SYT14: variants seen among roughly 807,000 people sequenced by gnomAD.
The protein encoded by SYT14 is synaptotagmin 14, also known as synaptotagmin-14.
SYT14 carries 32 observed loss-of-function variants against 74.2 expected under a neutral mutation model. That is an observed-to-expected ratio of 0.43 (90% CI 0.33 to 0.58). SYT14 has a LOEUF of 0.58. Ranked by LOEUF, SYT14 falls within the 20% of genes least tolerant of loss-of-function variation. The pLI is 0.05. For synonymous variants in SYT14, 298 were observed against 337.7 expected, an observed-to-expected ratio of 0.88 and a Z score of 1.29; for missense variants, 791 against 981.8, an observed-to-expected ratio of 0.81 and a Z score of 2.60.
chr1:210,020,285 A>C (rs2080275845), intron 4 of SYT14, among the ~76,000 whole-genome samples: 1 of 152,192 alleles, frequency 6.6e-6, no homozygotes, highest in Non-Finnish European at 1.5e-5. Flanking sequence ...AACAAAGCTC[A>C]CTGATGGACA....
At chr1:209,994,462 GA>G (rs1168847312) in intron 2 of SYT14, among the ~76,000 whole-genome samples, 1 of 151,910 alleles carries the variant, frequency 6.6e-6, no homozygotes, top group Non-Finnish European at 1.5e-5. Context: ...TTTTAAAACT[GA>G]AAAAAACCTC....
chr1:210,020,210 A>G (rs1305248053), intron 4 of SYT14, among the ~76,000 whole-genome samples: 3 of 152,156 alleles, frequency 2.0e-5, no homozygotes, highest in Admixed American at 2.0e-4. Context: ...GTTCTTTTAA[A>G]TTCACATCCT....
intron 5 of SYT14, among the ~76,000 whole-genome samples, chr1:210,041,460 T>C (rs1373421019): frequency 6.6e-6 from 1 of 152,134 alleles, no homozygotes; most frequent in Non-Finnish European, 1.5e-5. Flanking sequence ...GCCCTATAAT[T>C]TACAAAAAAT....
intron 7 of SYT14, among the ~76,000 whole-genome samples, chr1:210,121,793 C>CA (rs71146207): frequency 0.045 from 4,179 of 92,456 alleles, 89 homozygotes; most frequent in Middle Eastern, 0.14. Flanking sequence ...GACCCCATTT[C>CA]AAAAAAAAAA....
At chr1:209,971,619 T>G (rs1008976938) in intron 2 of SYT14, among the ~76,000 whole-genome samples, 1 of 152,174 alleles carries the variant, frequency 6.6e-6, no homozygotes, top group African/African-American at 2.4e-5. Flanking sequence ...TATCAAAAGC[T>G]TTTTTCATGT....
rs141093721 is a variant in SYT14, at chr1:209,989,084, G to GATCACTCCTTTATTGCCC, written c.-485-24545_-485-24528dup. Among the ~76,000 whole-genome samples, 9 of 152,212 alleles carry GATCACTCCTTTATTGCCC rather than the reference G, an allele frequency of 5.9e-5. No individual in the cohort carries two copies. In the East Asian group the frequency reaches 1.7e-3, roughly 29 times the overall value. ...TCTCATTTTTTTTCTTCCTCTGAAT[G>GATCACTCCTTTATTGCCC]ATCACTCCTTTATTGCCCATCTTCA... On this transcript the variant is annotated intron_variant, in intron 2 of 9. Transcript: ENST00000637265.
At chr1:210,068,971 T>A (rs2081345100) in intron 5 of SYT14, among the ~76,000 whole-genome samples, 1 of 151,892 alleles carries the variant, frequency 6.6e-6, no homozygotes, top group Admixed American at 6.6e-5. Context: ...CATTTTAATA[T>A]GCAATATCTT....
At chr1:209,963,429 T>C (rs868044842) in intron 2 of SYT14, among the ~76,000 whole-genome samples, 1 of 152,150 alleles carries the variant, frequency 6.6e-6, no homozygotes, top group Non-Finnish European at 1.5e-5. Context: ...TTTCTTGTTT[T>C]ATCAACCTAT....
At chr1:210,019,092 C>T (rs565820072) in intron 4 of SYT14, among the ~76,000 whole-genome samples, 24 of 130,744 alleles carry the variant, frequency 1.8e-4, no homozygotes, top group Non-Finnish European at 2.8e-4. Flanking sequence ...GCTGAGATCA[C>T]GCCACTGCAC....
exon 10 of SYT14, chr1:210,162,584 A>G (rs767064222): frequency 3.1e-5 from 11 of 356,140 alleles, no homozygotes; most frequent in African/African-American, 2.4e-4. Context: ...AGACAAAAAC[A>G]TACTATTTAC....
intron 1 of SYT14, 50 bp downstream of exon 1, chr1:209,938,327 C>CGGGG: frequency 1.3e-6 from 2 of 1,519,834 alleles, no homozygotes; most frequent in Non-Finnish European, 1.8e-6. Flanking sequence ...ACCCAGCTGG[C>CGGGG]GGGGGGCTCG....
intron 2 of SYT14, among the ~76,000 whole-genome samples, chr1:209,992,142 T>G (rs115671243): frequency 0.013 from 1,951 of 152,208 alleles, 44 homozygotes; most frequent in African/African-American, 0.041. Flanking sequence ...AAAATTTTTT[T>G]TTGTTGTTGT....
chr1:210,084,117 T>C (rs2081670945), intron 5 of SYT14, among the ~76,000 whole-genome samples: 1 of 152,212 alleles, frequency 6.6e-6, no homozygotes, highest in Non-Finnish European at 1.5e-5. Flanking sequence ...CGCCACTTGG[T>C]TTGCTGGGTC....
At chr1:210,078,309 C>CAAAAAAAA (rs59924487) in intron 5 of SYT14, among the ~76,000 whole-genome samples, 1 of 72,060 alleles carries the variant, frequency 1.4e-5, no homozygotes, top group Non-Finnish European at 2.6e-5. Flanking sequence ...GACTCCGTCT[C>CAAAAAAAA]AAAAAAAAAA....
intron 2 of SYT14, among the ~76,000 whole-genome samples, chr1:209,968,354 G>A (rs2079188806): frequency 6.6e-6 from 1 of 151,734 alleles, no homozygotes; most frequent in African/African-American, 2.4e-5. Context: ...CACCATTATA[G>A]TATCATATGG....
At chr1:210,121,897 C>T (rs1193694319) in intron 7 of SYT14, among the ~76,000 whole-genome samples, 5 of 151,752 alleles carry the variant, frequency 3.3e-5, no homozygotes, top group African/African-American at 1.2e-4. Context: ...TTCAGGCATG[C>T]GTAGTAACTC....
intron 5 of SYT14, among the ~76,000 whole-genome samples, chr1:210,080,161 TG>T (rs1002137048): frequency 6.6e-6 from 1 of 152,220 alleles, no homozygotes; most frequent in African/African-American, 2.4e-5. Context: ...TTTAAAGCAA[TG>T]GATTTGAAAT....
At chr1:209,955,231 A>G (rs984507922) in intron 2 of SYT14, among the ~76,000 whole-genome samples, 3 of 152,128 alleles carry the variant, frequency 2.0e-5, no homozygotes, top group African/African-American at 7.2e-5. Context: ...TCTTTTATCA[A>G]ATGAGTTACT....
intron 1 of SYT14, among the ~76,000 whole-genome samples, chr1:209,949,150 A>C (rs1365375946): frequency 6.6e-6 from 1 of 152,222 alleles, no homozygotes; most frequent in Non-Finnish European, 1.5e-5. Context: ...AGTTCAACAT[A>C]TCTCTAACTG....
Sources: gnomAD v4.1 joint callset for allele counts (sites outside exome capture counted in the v4.1 genomes callset) on GRCh38, gnomAD v4.1.1 for gene constraint, MANE v1.5 for transcripts, NCBI Gene and HGNC (gene_info 2026-07-23, HGNC 2026-07-21) for gene names.